KCTD16: variants seen among roughly 807,000 people sequenced by gnomAD.
KCTD16 encodes potassium channel tetramerization domain containing 16.
KCTD16 carries 13 observed loss-of-function variants against 33.2 expected under a neutral mutation model. The observed-to-expected ratio is 0.39, with a 90% CI of 0.25 to 0.62. The LOEUF is 0.62. Ranked by LOEUF, KCTD16 falls within the 20% of genes least tolerant of loss-of-function variation. The pLI, the probability that KCTD16 is intolerant of heterozygous loss-of-function variation, is 0.50. For missense variants in KCTD16, 441 were observed against 525.1 expected (o/e 0.84, Z 1.57); for synonymous variants, 197 against 195.3 (o/e 1.01, Z -0.07).
At chr5:144,467,305 A>G (rs1259173158) in intron 3 of KCTD16, among the ~76,000 whole-genome samples, 1 of 151,628 alleles carries the variant, frequency 6.6e-6, no homozygotes, top group African/African-American at 2.4e-5. Flanking sequence ...TTTGGGTGGA[A>G]GGTTTACTCT....
chr5:144,462,241 T>C (rs564589966), intron 3 of KCTD16, among the ~76,000 whole-genome samples: 2 of 152,126 alleles, frequency 1.3e-5, no homozygotes, highest in African/African-American at 2.4e-5. Flanking sequence ...TTCATTGTCT[T>C]CCCCGCCGTC....
chr5:144,317,804 T>C (rs1275830771), intron 3 of KCTD16, among the ~76,000 whole-genome samples: 1 of 152,204 alleles, frequency 6.6e-6, no homozygotes, highest in Non-Finnish European at 1.5e-5. Context: ...CCCACTGACA[T>C]GTACGTTGTA....
intron 3 of KCTD16, among the ~76,000 whole-genome samples, chr5:144,243,719 T>G (rs1314702333): frequency 6.6e-6 from 1 of 152,120 alleles, no homozygotes; most frequent in Non-Finnish European, 1.5e-5. Flanking sequence ...GAAGAACTTC[T>G]GTCCCCATGA....
intron 3 of KCTD16, among the ~76,000 whole-genome samples, chr5:144,324,289 T>C (rs535548582): frequency 6.6e-6 from 1 of 152,286 alleles, no homozygotes; most frequent in South Asian, 2.1e-4. Flanking sequence ...CTGATAATTC[T>C]ATTTACCAGC....
chr5:144,300,704 C>T (rs1338406149), intron 3 of KCTD16, among the ~76,000 whole-genome samples: 1 of 152,072 alleles, frequency 6.6e-6, no homozygotes, highest in Non-Finnish European at 1.5e-5. Flanking sequence ...CATATAAACT[C>T]ATAATTGATA....
At chr5:144,368,860 G>A (rs897680959) in intron 3 of KCTD16, among the ~76,000 whole-genome samples, 4 of 152,124 alleles carry the variant, frequency 2.6e-5, no homozygotes, top group African/African-American at 9.7e-5. Context: ...TTAGAAAGGA[G>A]GAAATCAAGG....
intron 3 of KCTD16, among the ~76,000 whole-genome samples, chr5:144,464,910 C>G (rs555249073): frequency 2.6e-5 from 4 of 152,124 alleles, no homozygotes; most frequent in Non-Finnish European, 5.9e-5. Context: ...ATTTATTCTT[C>G]TCCCAAAAAT....
At chr5:144,360,463 G>A (rs112016522) in intron 3 of KCTD16, among the ~76,000 whole-genome samples, 4 of 149,446 alleles carry the variant, frequency 2.7e-5, no homozygotes, top group Admixed American at 6.7e-5. Flanking sequence ...ATGGAATCTC[G>A]CTCTGTTGCC....
intron 2 of KCTD16, among the ~76,000 whole-genome samples, chr5:144,179,250 AC>A (rs1416211158): frequency 6.6e-6 from 1 of 152,018 alleles, no homozygotes; most frequent in Non-Finnish European, 1.5e-5. Flanking sequence ...AAGTCTCCCC[AC>A]CAGGCAGGTT....
At position 144,207,020 on chromosome 5, in the gene KCTD16, A is replaced by G. The variant is rs1430784741; in HGVS notation, c.306A>G (p.Glu102=). The change falls in exon 3 of 4, where the codon GAA becomes GAG. Residue 102 remains glutamate, a synonymous_variant. Coordinates refer to ENST00000512467, the MANE Select transcript of KCTD16 (RefSeq NM_020768.4). ...TGGTCCTGCCTGATCACTTTCCAGA[A>G]AAAGGAAGACTGAAAAGGGAAGCTG... ...RQVVLPDHFP[E]KGRLKREAEY... is the part of the protein sequence containing the mutation. 2 of 1,614,190 alleles carry G rather than the reference A, an allele frequency of 1.2e-6. No homozygotes were observed. The highest frequency in any genetic ancestry group is 1.1e-5 in the South Asian group (1 of 91,082).
chr5:144,402,661 G>T (rs1438335680), intron 3 of KCTD16, among the ~76,000 whole-genome samples: 5 of 152,124 alleles, frequency 3.3e-5, no homozygotes, highest in Non-Finnish European at 5.9e-5. Context: ...TAGCTCAGTT[G>T]TGTAACCTAA....
intron 3 of KCTD16, among the ~76,000 whole-genome samples, chr5:144,246,173 T>C (rs1754544785): frequency 1.3e-5 from 2 of 152,158 alleles, no homozygotes; most frequent in South Asian, 4.1e-4. Flanking sequence ...GTCAGCTGAG[T>C]CTCCACTTTT....
intron 3 of KCTD16, among the ~76,000 whole-genome samples, chr5:144,260,870 ATATTGG>A (rs1205582279): frequency 6.6e-5 from 10 of 152,038 alleles, no homozygotes; most frequent in African/African-American, 2.4e-4. Flanking sequence ...TTTTTCTGTT[ATATTGG>A]TATTATTTCT....
intron 3 of KCTD16, among the ~76,000 whole-genome samples, chr5:144,458,205 C>T (rs1429428703): frequency 6.6e-6 from 1 of 152,170 alleles, no homozygotes; most frequent in Non-Finnish European, 1.5e-5. Flanking sequence ...ACCTCATAGG[C>T]AGGTACTGCT....
intron 3 of KCTD16, among the ~76,000 whole-genome samples, chr5:144,258,956 G>A (rs75940940): frequency 0.014 from 2,125 of 151,962 alleles, 41 homozygotes; most frequent in African/African-American, 0.049. Context: ...AATTTTTGAT[G>A]AGCCATAAAA....
intron 3 of KCTD16, among the ~76,000 whole-genome samples, chr5:144,273,340 G>A (rs1040119366): frequency 1.3e-5 from 2 of 152,130 alleles, no homozygotes; most frequent in Non-Finnish European, 1.5e-5. Flanking sequence ...TGTTGGTGAG[G>A]ATGTGGAGAA....
chr5:144,427,882 G>T (rs1329208336), intron 3 of KCTD16, among the ~76,000 whole-genome samples: 2 of 152,066 alleles, frequency 1.3e-5, no homozygotes, highest in East Asian at 3.9e-4. Flanking sequence ...TTGTGAATTG[G>T]ATTAGGTTAC....
At chr5:144,325,293 C>A (rs776922720) in intron 3 of KCTD16, among the ~76,000 whole-genome samples, 1 of 152,128 alleles carries the variant, frequency 6.6e-6, no homozygotes, top group Non-Finnish European at 1.5e-5. Flanking sequence ...CTGATGGACT[C>A]CTTTCTAGCC....
At chr5:144,463,764 G>T (rs1419845259) in intron 3 of KCTD16, among the ~76,000 whole-genome samples, 1 of 151,956 alleles carries the variant, frequency 6.6e-6, no homozygotes, top group African/African-American at 2.4e-5. Context: ...TGATTCATAG[G>T]GACATTATAA....
Sources: allele counts gnomAD v4.1 joint callset (sites outside exome capture counted in the v4.1 genomes callset), GRCh38; gene constraint gnomAD v4.1.1; transcripts MANE v1.5; gene names NCBI Gene and HGNC (gene_info 2026-07-23, HGNC 2026-07-21).